The following LGI4 variants were observed in gnomAD, a reference collection of about 807,000 sequenced individuals.
LGI4 encodes the protein leucine-rich repeat LGI family member 4.
A neutral mutation model predicts 48.3 loss-of-function variants in LGI4; 36 were observed. The observed-to-expected ratio is 0.75, with a 90% CI of 0.57 to 0.98. The LOEUF (loss-of-function observed/expected upper bound fraction) is 0.98. Among genes scored for constraint, LGI4 ranks in the 50% least tolerant of loss-of-function variants. The pLI is 0.00. For missense variants in LGI4, 701 were observed against 732.1 expected, an observed-to-expected ratio of 0.96 and a Z score of 0.49; for synonymous variants, 355 against 331.6, an observed-to-expected ratio of 1.07 and a Z score of -0.77.
intron 2 of LGI4, 111 bp from the exon 3 acceptor site, chr19:35,133,875 T>A (rs1404942859): frequency 3.7e-6 from 5 of 1,336,570 alleles, no homozygotes; most frequent in Non-Finnish European, 5.2e-6. Flanking sequence ...GGTGTGAGTA[T>A]GTGCATGGAC....
At chr19:35,134,233 A>T in intron 1 of LGI4, 129 bp from the exon 2 acceptor site, 1 of 886,156 alleles carries the variant, frequency 1.1e-6, no homozygotes. Context: ...CCTGCATGCC[A>T]GAGGAGGCAG....
chr19:35,125,300 G>C lies in LGI4; in HGVS notation c.1507C>G (p.Arg503Gly), dbSNP rs2065123740. The C allele has an allele frequency of 1.2e-6, 2 of 1,610,416 alleles. No individual in the cohort carries two copies. Among genetic ancestry groups the C allele is most frequent in the Non-Finnish European group, 1.7e-6 (2 of 1,177,852 alleles). Residue 503 changes from arginine to glycine, a missense_variant, in exon 9 of 9, where the codon CGT becomes GGT. Arg to Gly is a moderately radical substitution (Grantham distance 125). Coordinates refer to ENST00000310123, the MANE Select transcript of LGI4 (RefSeq NM_139284.3). ...GCCATAGTGATGTGGGCAAAGGCAC[G>C]GGGGGCCACCAGGGCCGGAGGCCCC... ...ELGPPALVAPRAFAHITMAGR... is the reference protein window; with the variant it reads ...ELGPPALVAPGAFAHITMAGR...
chr19:35,131,834 G>A lies in LGI4; in HGVS notation c.413C>T (p.Thr138Ile). The stretch of plus-strand genomic sequence containing the variant: ...GCCTCGGAACAGGAATCTGGGGAGG[G>A]TCTCCAGATGGTTATTGGCCAGGCT... ...HLSLANNHLE[T>I]LPRFLFRGLD... Residue 138 changes from threonine to isoleucine, a missense_variant, in exon 5 of 9, where the codon ACC becomes ATC. Physicochemically the swap from Thr to Ile is moderately conservative, Grantham distance 89 (BLOSUM62 -1). Transcript: ENST00000310123. 1.9e-6 allele frequency: 3 copies of A among 1,574,804 alleles called. No individual in the cohort carries two copies. The highest frequency in any genetic ancestry group is 1.2e-5 in the South Asian group (1 of 85,620).
rs767446968 is a variant in LGI4, at chr19:35,126,314, C to T, written c.1255G>A (p.Gly419Arg). 2 of 1,611,984 alleles carry T rather than the reference C, an allele frequency of 1.2e-6. No individual in the cohort carries two copies. Among genetic ancestry groups the T allele is most frequent in the East Asian group, 2.2e-5 (1 of 44,840 alleles). Residue 419 changes from glycine to arginine, a missense_variant, in exon 8 of 9, where the codon GGG (glycine) becomes AGG (arginine). This residue lies in a region of LGI4 where 223 missense variants were observed against 263.3 expected (regional missense o/e 0.85). Transcript: ENST00000310123. ...CGTGTGAGGCACAGGAACACGTCCC[C>T]ACCAGCCTGGAAGTGGCGTGTGGCA... ...VYATRHFQAG[G>R]DVFLCLTRYI...
chr19:35,126,854 G>A lies in LGI4; in HGVS notation c.792C>T (p.Pro264=). 1 of 1,609,874 alleles carries A rather than the reference G, an allele frequency of 6.2e-7. No individual in the cohort carries two copies. Among genetic ancestry groups the A allele is most frequent in the East Asian group, 2.2e-5 (1 of 44,778 alleles). The change falls in exon 7 of 9, where the codon CCC becomes CCT. Residue 264 remains proline (P), a splice_region_variant and synonymous_variant. Transcript: ENST00000310123. The stretch of plus-strand genomic sequence containing the variant: ...CAGAAGGACGGGGAGGGGGCTCACC[G>A]GGCAGCTCTTCCTCGGGCCGGAAGC... The part of the protein sequence containing the change: ...LQRFRPEEEL[P]AASVVSCKPL...
Position 35,127,017 on chromosome 19 carries a change from T to C in LGI4, c.629A>G (p.Glu210Gly). Residue 210 changes from glutamate to glycine, a missense_variant and splice_region_variant, in exon 7 of 9, where the codon GAG becomes GGG. Glu to Gly is a moderately conservative substitution (Grantham distance 98). This residue lies in a region of LGI4 where 462 missense variants were observed against 436.4 expected (regional missense o/e 1.06). Transcript: ENST00000310123. ...CCCCACCGTCTGGAACCAGGACAGC[T>C]CTGTGGGTGGAGAAGAGAGTCAGGC... ...DPKTFKCRAIELSWFQTVGES... is the reference protein window; with the variant it reads ...DPKTFKCRAIGLSWFQTVGES... 6.3e-7 allele frequency: 1 copy of C among 1,583,808 alleles called. No homozygotes were observed.
rs747801837 is a variant in LGI4, at chr19:35,126,263, G to T, written c.1299+7C>A. 1 of 1,611,088 alleles carries T rather than the reference G, an allele frequency of 6.2e-7. No individual in the cohort carries two copies. The highest frequency in any genetic ancestry group is 8.5e-7 in the Non-Finnish European group (1 of 1,179,198). ...AGCCAGCCCCCCGCCCCCAGGCCCA[G>T]CCTCACCATGGAGTCCCCAATGTAG... On this transcript the variant is annotated splice_region_variant and intron_variant, in intron 8 of 8. Transcript: ENST00000310123.
chr19:35,128,445 A>G (rs2065154307), intron 6 of LGI4, among the ~76,000 whole-genome samples: 1 of 152,234 alleles, frequency 6.6e-6, no homozygotes, highest in Non-Finnish European at 1.5e-5. Flanking sequence ...GTGGTGGCTC[A>G]CGCCTGTAAT....
chr19:35,127,900 G>C (rs1425183112), intron 6 of LGI4, among the ~76,000 whole-genome samples: 1 of 152,198 alleles, frequency 6.6e-6, no homozygotes, highest in East Asian at 1.9e-4. Flanking sequence ...ATTGGAGCTG[G>C]TCACCAGGCC....
Position 35,126,096 on chromosome 19 carries a change from G to A in LGI4, c.1299+174C>T, listed in dbSNP as rs189448769. 33 of 664,446 alleles carry A rather than the reference G, an allele frequency of 5.0e-5. No individual in the cohort carries two copies. In the East Asian group the frequency reaches 8.8e-4, roughly 18 times the overall value. The allele number at this position is 664,446 out of a possible 1,614,324, so 41.2% of individuals were successfully genotyped here. ...GGGGCCAGCATCAGTGTCGGGGACT[G>A]GGGAGTGGTTCGGAGTCAGCCAGCC... On this transcript the variant is annotated intron_variant, in intron 8 of 8. Transcript: ENST00000310123.
chr19:35,131,026 A>C, intron 6 of LGI4: 1 of 577,712 alleles, frequency 1.7e-6, no homozygotes, highest in East Asian at 3.0e-5. Flanking sequence ...GAGTCAATGT[A>C]AAGGAGGTGA....
rs2065140104 is a variant in LGI4, at chr19:35,126,636, CGGGGCCAGGGTCTGCGTT to C, written c.915_932del (p.Thr306_Pro311del). On this transcript the variant is annotated inframe_deletion, in exon 8 of 9. Transcript: ENST00000310123. Reference sequence around the variant, plus strand: ...CGTCATTGGGCCGCAGCAGCCGCCGCGGGGCCAGGGTCTGCGTTGGGGCCAGGCGCAGGCCGGGACTGG... The same window carrying C: ...CGTCATTGGGCCGCAGCAGCCGCCGCGGGGCCAGGCGCAGGCCGGGACTGG... 1.3e-6 allele frequency: 2 copies of C among 1,539,744 alleles called. No homozygotes were observed. Among genetic ancestry groups the C allele is most frequent in the Admixed American group, 2.0e-5 (1 of 51,040 alleles).
In LGI4 at chr19:35,125,067, C is replaced by T. The variant is rs952219426; in HGVS notation, c.*126G>A. ...TTAAGAAGTGGGCTTAAGGCCTAGA[C>T]GTGTGGCTGATGAACGTGGCCCACG... On this transcript the variant is annotated 3_prime_UTR_variant, in exon 9 of 9. Transcript: ENST00000310123. 7.9e-6 allele frequency: 6 copies of T among 758,480 alleles called. No homozygotes were observed. The highest frequency in any genetic ancestry group is 2.3e-5 in the South Asian group (1 of 42,712). 47.0% of individuals were successfully genotyped at this position (758,480 alleles called of 1,614,324 possible).
chr19:35,134,133 G>A, intron 1 of LGI4, 29 bp from the exon 2 acceptor site: 4 of 1,546,300 alleles, frequency 2.6e-6, no homozygotes, highest in African/African-American at 1.4e-5. Flanking sequence ...GTAGGTGAGA[G>A]GGACACCACA....
intron 5 of LGI4, 60 bp downstream of exon 5, chr19:35,131,729 G>T (rs946925646): frequency 1.4e-6 from 2 of 1,428,296 alleles, no homozygotes; most frequent in African/African-American, 2.8e-5. Context: ...GGGCACGGAT[G>T]CCCCCCGCCG....
chr19:35,126,582 G>A lies in LGI4; in HGVS notation c.987C>T (p.Pro329=). The part of the protein sequence containing the change: ...DAELLWLEGQ[P]CFVVADASKA... ...TGGAGGCATCGGCCACCACGAAGCA[G>A]GGTTGCCCTTCCAGCCACAGGAGCT... Residue 329 remains proline, a synonymous_variant, in exon 8 of 9, where the codon CCC becomes CCT. Coordinates refer to ENST00000310123, the MANE Select transcript of LGI4 (RefSeq NM_139284.3). The A allele has an allele frequency of 6.5e-7, 1 of 1,540,616 alleles. No individual in the cohort carries two copies. Among genetic ancestry groups the A allele is most frequent in the Non-Finnish European group, 8.7e-7 (1 of 1,148,882 alleles).
rs779234231 is a variant in LGI4 at position 35,126,879 on chromosome 19, C to T, written c.767G>A (p.Arg256His). The T allele has an allele frequency of 5.0e-6, 8 of 1,612,760 alleles. No homozygotes were observed. The highest frequency in any genetic ancestry group is 2.2e-5 in the South Asian group (2 of 91,086). ...GGGCAGCTCTTCCTCGGGCCGGAAG[C>T]GCTGCAGGCTGTAGTCCCAGGAGAG... ...LILSWDYSLQRFRPEEELPAA... is the reference protein window; with the variant it reads ...LILSWDYSLQHFRPEEELPAA... Residue 256 changes from arginine (R) to histidine (H), a missense_variant, in exon 7 of 9, where the codon CGC becomes CAC. Transcript: ENST00000310123.
Position 35,134,843 on chromosome 19 carries a change from C to T in LGI4, c.-163G>A, listed in dbSNP as rs1370633765. ...CGTCTTTCTTTCAGTCGGCCTTCCT[C>T]CCTGTTCGTATGTCTTTGGTGTCTA... On this transcript the variant is annotated 5_prime_UTR_variant, in exon 1 of 9. Coordinates refer to ENST00000310123, the MANE Select transcript of LGI4 (RefSeq NM_139284.3). 5 of 556,186 alleles carry T rather than the reference C, an allele frequency of 9.0e-6. No homozygotes were observed. The highest frequency in any genetic ancestry group is 1.6e-5 in the Non-Finnish European group (5 of 317,018). The allele number at this position is 556,186 out of a possible 1,614,324, so 34.5% of individuals were successfully genotyped here.
At chr19:35,130,994 A>G in intron 6 of LGI4, 1 of 552,388 alleles carries the variant, frequency 1.8e-6, no homozygotes, top group Non-Finnish European at 3.2e-6. Flanking sequence ...AAAAGGCAAC[A>G]AAATCTATTT....
Sources: gnomAD v4.1 joint callset for allele counts (sites outside exome capture counted in the v4.1 genomes callset) on GRCh38, gnomAD v4.1.1 for gene constraint, gnomAD v4.1.1 regional missense constraint, MANE v1.5 for transcripts, NCBI Gene and HGNC (gene_info 2026-07-23, HGNC 2026-07-21) for gene names.